MCU: variants seen among roughly 807,000 people sequenced by gnomAD.
MCU encodes calcium uniporter protein, mitochondrial.
In MCU, 12 loss-of-function variants were observed where a neutral mutation model predicts 45.2. That is an observed-to-expected ratio of 0.27 (90% CI 0.17 to 0.43). MCU has a LOEUF of 0.43. Among genes scored for constraint, MCU ranks in the 20% least tolerant of loss-of-function variants. MCU has a pLI of 1.00. For missense variants in MCU, 324 were observed against 436.7 expected (o/e 0.74, Z 2.30); for synonymous variants, 160 against 165.1 (o/e 0.97, Z 0.24).
rs1444050297 is a variant in MCU, at chr10:72,868,723, G to T, written c.517G>T (p.Ala173Ser). 2.5e-6 allele frequency: 4 copies of T among 1,613,526 alleles called. No homozygotes were observed. In the African/African-American group the frequency reaches 5.3e-5, roughly 22 times the overall value. ...PKRDLLSHEN[A>S]ATLNDVKTLV... is the part of the protein sequence containing the mutation. ...TTCAGACCTCTTAAGTCATGAAAAT[G>T]CAGCAACGCTGAATGATGTAAAGAC... Residue 173 changes from alanine (A) to serine (S), a missense_variant, in exon 5 of 8, where the codon GCA becomes TCA. Physicochemically the swap from Ala to Ser is moderately conservative, Grantham distance 99 (BLOSUM62 1). Transcript: ENST00000373053.
At chr10:72,797,617 C>G (rs1194033460) in intron 1 of MCU, among the ~76,000 whole-genome samples, 2 of 150,544 alleles carry the variant, frequency 1.3e-5, no homozygotes, top group Non-Finnish European at 3.0e-5. Context: ...TCACTGCAAC[C>G]TCCGTCTCCT....
chr10:72,768,113 C>A (rs1357423324), intron 1 of MCU, among the ~76,000 whole-genome samples: 1 of 150,838 alleles, frequency 6.6e-6, no homozygotes, highest in Admixed American at 6.6e-5. Flanking sequence ...GAGAGGAAAA[C>A]AAAAAAAACA....
At chr10:72,781,866 T>G (rs2132752675) in intron 1 of MCU, among the ~76,000 whole-genome samples, 1 of 152,340 alleles carries the variant, frequency 6.6e-6, no homozygotes, top group African/African-American at 2.4e-5. Context: ...AGGATCTCTC[T>G]GGAAGATCCA....
intron 1 of MCU, among the ~76,000 whole-genome samples, chr10:72,799,204 G>A (rs920642841): frequency 2.0e-5 from 3 of 152,210 alleles, no homozygotes; most frequent in Non-Finnish European, 2.9e-5. Flanking sequence ...GATTACAGGC[G>A]TGAGCCATCA....
At chr10:72,785,486 A>T (rs994925407) in intron 1 of MCU, among the ~76,000 whole-genome samples, 1 of 152,256 alleles carries the variant, frequency 6.6e-6, no homozygotes, top group Non-Finnish European at 1.5e-5. Flanking sequence ...TTAGTGGCAG[A>T]TTAAGGAAAC....
chr10:72,806,230 T>C (rs1844446771), intron 1 of MCU, among the ~76,000 whole-genome samples: 1 of 148,792 alleles, frequency 6.7e-6, no homozygotes, highest in South Asian at 2.2e-4. Context: ...CTATCTTGGC[T>C]CACCGCAACC....
Position 72,868,830 on chromosome 10 carries a change from G to T in MCU, c.624G>T (p.Glu208Asp). 6.2e-7 allele frequency: 1 copy of T among 1,614,086 alleles called. No homozygotes were observed. The highest frequency in any genetic ancestry group is 1.1e-5 in the South Asian group (1 of 91,078). ...AAAGGGAGCTTATTGAAAGACTAGA[G>T]GATCTCAAAGAGCAGCTGGCTCCCC... ...NKERELIERL[E>D]DLKEQLAPLE... The change falls in exon 5 of 8, where the codon GAG (glutamate) becomes GAT (aspartate). Residue 208 changes from glutamate (E) to aspartate (D), a missense_variant. By Grantham distance (45) the Glu-to-Asp change is conservative. This residue lies in a region of MCU where 135 missense variants were observed against 207.3 expected (regional missense o/e 0.65). Transcript: ENST00000373053.
intron 1 of MCU, among the ~76,000 whole-genome samples, chr10:72,810,006 GCA>G (rs1293173718): frequency 1.8e-5 from 2 of 113,992 alleles, no homozygotes; most frequent in Non-Finnish European, 5.0e-5. Flanking sequence ...TTCTGTGTGT[GCA>G]TGTGTGTGTG....
intron 2 of MCU, among the ~76,000 whole-genome samples, chr10:72,835,679 A>G (rs1468329516): frequency 6.6e-6 from 1 of 152,244 alleles, no homozygotes; most frequent in Non-Finnish European, 1.5e-5. Flanking sequence ...ACTCATTTGT[A>G]ATATGGAAAG....
chr10:72,720,772 T>C (rs1251979346), intron 1 of MCU, among the ~76,000 whole-genome samples: 3 of 152,224 alleles, frequency 2.0e-5, no homozygotes, highest in East Asian at 1.9e-4. Flanking sequence ...TGTCTTATAA[T>C]AGATGTTCAA....
chr10:72,748,712 A>G (rs754463285), intron 1 of MCU, among the ~76,000 whole-genome samples: 3 of 152,140 alleles, frequency 2.0e-5, no homozygotes, highest in Non-Finnish European at 4.4e-5. Flanking sequence ...CTCTGAAGAA[A>G]TACTTCATTG....
chr10:72,842,433 A>T (rs1024960692), intron 2 of MCU, among the ~76,000 whole-genome samples: 4 of 152,186 alleles, frequency 2.6e-5, no homozygotes, highest in Admixed American at 1.3e-4. Context: ...ATCATTTCTC[A>T]AAGTGAGCTG....
intron 1 of MCU, among the ~76,000 whole-genome samples, chr10:72,735,196 C>G (rs113039509): frequency 2.0e-5 from 3 of 151,138 alleles, no homozygotes; most frequent in African/African-American, 7.3e-5. Context: ...TAATGACTTG[C>G]TTTGCAAACC....
chr10:72,837,617 G>T (rs1033155499), intron 2 of MCU, among the ~76,000 whole-genome samples: 1 of 152,080 alleles, frequency 6.6e-6, no homozygotes, highest in Non-Finnish European at 1.5e-5. Flanking sequence ...TCTAAAACAC[G>T]TGGTCTTAGA....
At chr10:72,757,429 AC>A (rs1255004421) in intron 1 of MCU, among the ~76,000 whole-genome samples, 1 of 152,064 alleles carries the variant, frequency 6.6e-6, no homozygotes, top group Admixed American at 6.6e-5. Flanking sequence ...TACTTCCCCA[AC>A]CCCCACCCAA....
intron 2 of MCU, among the ~76,000 whole-genome samples, chr10:72,853,955 G>A (rs1432140659): frequency 1.3e-5 from 2 of 152,158 alleles, no homozygotes; most frequent in Non-Finnish European, 2.9e-5. Flanking sequence ...CCAACGTGGT[G>A]AAACCCTATC....
intron 1 of MCU, among the ~76,000 whole-genome samples, chr10:72,799,318 C>T (rs1394047328): frequency 6.6e-6 from 1 of 152,174 alleles, no homozygotes; most frequent in African/African-American, 2.4e-5. Flanking sequence ...AATAGTATTA[C>T]AGTGAACATT....
intron 1 of MCU, among the ~76,000 whole-genome samples, chr10:72,720,841 T>A (rs1418462078): frequency 1.3e-5 from 2 of 152,224 alleles, no homozygotes; most frequent in East Asian, 3.8e-4. Flanking sequence ...TGAAGATATG[T>A]AACGTGCATC....
intron 2 of MCU, among the ~76,000 whole-genome samples, chr10:72,842,614 T>G (rs1845064138): frequency 6.6e-6 from 1 of 152,174 alleles, no homozygotes; most frequent in South Asian, 2.1e-4. Context: ...AGCTTGTAAT[T>G]TACATGTTCT....
Sources: gnomAD v4.1 joint callset for allele counts (sites outside exome capture counted in the v4.1 genomes callset) on GRCh38, gnomAD v4.1.1 for gene constraint, gnomAD v4.1.1 regional missense constraint, MANE v1.5 for transcripts, NCBI Gene and HGNC (gene_info 2026-07-23, HGNC 2026-07-21) for gene names.